The following GCA variants were observed in gnomAD, a reference collection of about 807,000 sequenced individuals.
GCA encodes the protein grancalcin.
A neutral mutation model predicts 32.6 loss-of-function variants in GCA; 30 were observed. The ratio of observed to expected loss-of-function variants is 0.92; its 90% CI spans 0.69 to 1.25. The LOEUF (loss-of-function observed/expected upper bound fraction) is 1.25, where lower values mean the gene tolerates loss of function less well. Ranked by LOEUF, GCA falls within the 50% of genes most tolerant of loss-of-function variation. The pLI, the probability that GCA is intolerant of heterozygous loss-of-function variation, is 0.00. For synonymous variants in GCA, 102 were observed against 84.6 expected (o/e 1.21, Z -1.13); for missense variants, 291 against 266.8 (o/e 1.09, Z -0.63).
chr2:162,337,865 C>G (rs1684319259), intron 1 of GCA, among the ~76,000 whole-genome samples: 1 of 152,300 alleles, frequency 6.6e-6, no homozygotes, highest in South Asian at 2.1e-4. Context: ...TTCAAAACTA[C>G]ACAAGCACTG....
intron 1 of GCA, among the ~76,000 whole-genome samples, chr2:162,320,864 C>T (rs1426948548): frequency 6.6e-6 from 1 of 152,110 alleles, no homozygotes; most frequent in Admixed American, 6.5e-5. Flanking sequence ...GATAAATGCC[C>T]TGAAGACCAT....
intron 3 of GCA, among the ~76,000 whole-genome samples, chr2:162,355,821 T>C (rs7589119): frequency 0.18 from 28,029 of 151,608 alleles, 6,605 homozygotes; most frequent in African/African-American, 0.54. Flanking sequence ...TTACAATAAA[T>C]TACCAATGGA....
Position 162,344,199 on chromosome 2 carries a change from A to C in GCA, c.-50A>C. The C allele has an allele frequency of 1.2e-6, 2 of 1,610,592 alleles. No homozygotes were observed. Among genetic ancestry groups the C allele is most frequent in the Non-Finnish European group, 1.7e-6 (2 of 1,177,228 alleles). ...CTGCGCCTGTGCTTTTTCTCCCAGC[A>C]CTGCGGACGCGACTCGAGGGTGACG... On this transcript the variant is annotated 5_prime_UTR_variant, in exon 1 of 8. Transcript: ENST00000437150.
chr2:162,361,175 G>A lies in GCA; in HGVS notation c.*932G>A. On this transcript the variant is annotated 3_prime_UTR_variant, in exon 8 of 8. Transcript: ENST00000437150. ...TTTGACAACATTAACATTAGTGGTG[G>A]CTTTGCCATTAAAAACCCAGTAAGT... 1.0e-6 allele frequency: 1 copy of A among 984,826 alleles called. No individual in the cohort carries two copies. The highest frequency in any genetic ancestry group is 1.2e-6 in the Non-Finnish European group (1 of 829,454). The allele number at this position is 984,826 out of a possible 1,614,324, so 61.0% of individuals were successfully genotyped here.
intron 1 of GCA, among the ~76,000 whole-genome samples, chr2:162,335,947 TA>T (rs1442751149): frequency 6.6e-6 from 1 of 152,138 alleles, no homozygotes; most frequent in Admixed American, 6.5e-5. Flanking sequence ...TTAACAAAGT[TA>T]AAAAAATAAA....
chr2:162,318,915 G>C (rs1052328624), upstream of GCA: 1 of 215,512 alleles, frequency 4.6e-6, no homozygotes, highest in East Asian at 1.3e-4. Flanking sequence ...TTTCCCAGCA[G>C]GTTCTGCCTT....
downstream of GCA, among the ~76,000 whole-genome samples, chr2:162,364,183 C>G (rs923368875): frequency 2.0e-5 from 3 of 151,580 alleles, no homozygotes; most frequent in East Asian, 5.8e-4. Flanking sequence ...TACGTACATA[C>G]AGATATTTGC....
downstream of GCA, chr2:162,372,027 A>G (rs766096984): frequency 6.2e-7 from 1 of 1,613,504 alleles, no homozygotes; most frequent in East Asian, 2.2e-5. Flanking sequence ...CTGTGTTCAG[A>G]TGCACCCCAC....
rs377413955 is a variant in GCA at position 162,345,093 on chromosome 2, ATGG to A, written c.27+859_27+861del. Among the ~76,000 whole-genome samples, 932 of 109,390 alleles carry A rather than the reference ATGG, an allele frequency of 8.5e-3. 13 individuals carry two copies. Among genetic ancestry groups the A allele is most frequent in the African/African-American group, 0.022 (641 of 29,450 alleles). 71.8% of individuals were successfully genotyped at this position (109,390 alleles called of 152,430 possible). A position where few individuals can be genotyped will look rare whatever the true frequency, so the allele number is the denominator to read the frequency against. On this transcript the variant is annotated intron_variant, in intron 1 of 7. Coordinates refer to ENST00000437150, the MANE Select transcript of GCA (RefSeq NM_012198.5). ...GAGTTACTCCTACCCCTTGGAGTTCATGGTGGTGGTGGTGGTGGTGGTGGTGGT... is the reference window on the plus strand; with the variant it reads ...GAGTTACTCCTACCCCTTGGAGTTCATGGTGGTGGTGGTGGTGGTGGTGGT...
exon 1 of GCA, chr2:162,319,120 G>A: frequency 4.4e-6 from 2 of 456,524 alleles, no homozygotes; most frequent in Non-Finnish European, 8.8e-6. Context: ...AAGCTCAGAA[G>A]ACATCTTTGC....
intron 4 of GCA, among the ~76,000 whole-genome samples, chr2:162,371,003 A>T (rs1337282821): frequency 6.6e-6 from 1 of 152,068 alleles, no homozygotes; most frequent in Non-Finnish European, 1.5e-5. Context: ...GGATTGCTTT[A>T]AAATGTGAAT....
chr2:162,356,883 G>A lies in GCA; in HGVS notation c.432G>A (p.Leu144=), dbSNP rs1190441055. ...DGSGTVEHHE[L]RQAIGLMGYR... is the part of the protein sequence containing the mutation. ...GTGGCACAGTAGAACATCATGAGTTGCGTCAAGCCATTGGTCTTATGGGTA... is the reference window on the plus strand; with the variant it reads ...GTGGCACAGTAGAACATCATGAGTTACGTCAAGCCATTGGTCTTATGGGTA... Residue 144 remains leucine, a synonymous_variant, in exon 5 of 8, where the codon TTG becomes TTA. Coordinates refer to ENST00000437150, the MANE Select transcript of GCA (RefSeq NM_012198.5). The A allele has an allele frequency of 1.9e-6, 3 of 1,608,768 alleles. No individual in the cohort carries two copies. The highest frequency in any genetic ancestry group is 2.5e-6 in the Non-Finnish European group (3 of 1,176,776).
At chr2:162,371,447 C>G in exon 5 of GCA, 1 of 1,274,412 alleles carries the variant, frequency 7.8e-7, no homozygotes, top group Non-Finnish European at 1.0e-6. Context: ...CATCCATGAA[C>G]AGTTTTATCC....
chr2:162,344,081 CG>C, upstream of GCA: 1 of 685,570 alleles, frequency 1.5e-6, no homozygotes, highest in Non-Finnish European at 2.6e-6. Context: ...CCGTGCAGGG[CG>C]GGGCTGGCCT....
chr2:162,350,869 C>T (rs1684959007), intron 2 of GCA, among the ~76,000 whole-genome samples: 1 of 151,998 alleles, frequency 6.6e-6, no homozygotes, highest in African/African-American at 2.4e-5. Flanking sequence ...ATTAACTATC[C>T]CATTTTCAAT....
At chr2:162,323,807 T>C (rs1683773726) in intron 1 of GCA, among the ~76,000 whole-genome samples, 2 of 151,966 alleles carry the variant, frequency 1.3e-5, no homozygotes, top group Non-Finnish European at 2.9e-5. Context: ...TTTTGGTTAC[T>C]GTAGCCTTGT....
At chr2:162,322,414 T>TTTATTTATTTATTA (rs1354078926) in intron 1 of GCA, among the ~76,000 whole-genome samples, 6 of 128,684 alleles carry the variant, frequency 4.7e-5, no homozygotes, top group African/African-American at 2.2e-4. Flanking sequence ...TATTTATTTA[T>TTTATTTATTTATTA]TTATTATTAT....
Position 162,347,728 on chromosome 2 carries a change from G to T in GCA, c.178G>T (p.Ala60Ser). Residue 60 changes from alanine to serine, a missense_variant, in exon 2 of 8, where the codon GCT becomes TCT. Transcript: ENST00000437150. Reference sequence around the variant, plus strand: ...TGACTCCGTGTATACTTACTTCAGTGCTGTTGCTGGACAGGTGAGATGCTA... The same window carrying T: ...TGACTCCGTGTATACTTACTTCAGTTCTGTTGCTGGACAGGTGAGATGCTA... ...AGDSVYTYFS[A>S]VAGQDGEVDA... 1.3e-6 allele frequency: 2 copies of T among 1,555,654 alleles called. No individual in the cohort carries two copies. Among genetic ancestry groups the T allele is most frequent in the Non-Finnish European group, 1.7e-6 (2 of 1,147,144 alleles).
At chr2:162,371,494 C>T in exon 5 of GCA, 1 of 1,241,212 alleles carries the variant, frequency 8.1e-7, no homozygotes. Context: ...ATTTTCATAA[C>T]GAAGTACTGG....
Sources: gnomAD v4.1 joint callset for allele counts (sites outside exome capture counted in the v4.1 genomes callset) on GRCh38, gnomAD v4.1.1 for gene constraint, MANE v1.5 for transcripts, NCBI Gene and HGNC (gene_info 2026-07-23, HGNC 2026-07-21) for gene names.